Variants in ZNF169 observed in about 807,000 individuals in gnomAD.
ZNF169 encodes zinc finger protein 169.
Under a neutral mutation model 12.0 loss-of-function variants are expected in ZNF169, and 11 were observed. That is an observed-to-expected ratio of 0.92 (90% confidence interval 0.58 to 1.52). ZNF169 has a LOEUF of 1.52. ZNF169 is among the 40% of genes most tolerant of loss of function. The pLI, the probability that ZNF169 is intolerant of heterozygous loss-of-function variation, is 0.00. For missense variants in ZNF169, 722 were observed against 744.0 expected, an observed-to-expected ratio of 0.97 and a Z score of 0.34; for synonymous variants, 302 against 286.5, an observed-to-expected ratio of 1.05 and a Z score of -0.55.
chr9:94,290,441 A>G (rs2118636268), intron 2 of ZNF169, among the ~76,000 whole-genome samples: 1 of 151,480 alleles, frequency 6.6e-6, no homozygotes, highest in South Asian at 2.1e-4. Context: ...CCTCTGTTTT[A>G]CTTTGTCTGT....
At chr9:94,295,819 T>A (rs1290707292) in intron 4 of ZNF169, 1 of 152,230 alleles carries the variant, frequency 6.6e-6, no homozygotes, top group Non-Finnish European at 1.5e-5. Flanking sequence ...TTTTGACAAA[T>A]ATAAATAAAG....
intron 2 of ZNF169, among the ~76,000 whole-genome samples, chr9:94,289,569 C>T (rs1830788764): frequency 6.6e-6 from 1 of 152,182 alleles, no homozygotes; most frequent in African/African-American, 2.4e-5. Context: ...GCAGGTGGAT[C>T]ACCTGTGGTC....
rs750434515 is a variant in ZNF169 at position 94,300,417 on chromosome 9, G to A, written c.859G>A (p.Glu287Lys). ...LSIHQRKHSG[E>K]KPYVCRECGR... ...CATACACCAGAGGAAGCACTCGGGG[G>A]AGAAGCCGTATGTGTGCAGGGAATG... The change falls in exon 5 of 5, where the codon GAG becomes AAG. Residue 287 changes from glutamate to lysine, a missense_variant. Physicochemically the swap from Glu to Lys is moderately conservative, Grantham distance 56. Coordinates refer to ENST00000395395, the MANE Select transcript of ZNF169 (RefSeq NM_194320.4). 1 of 1,614,010 alleles carries A rather than the reference G, an allele frequency of 6.2e-7. No homozygotes were observed. The highest frequency in any genetic ancestry group is 8.5e-7 in the Non-Finnish European group (1 of 1,180,000).
At chr9:94,294,541 G>A (rs971055008) in intron 4 of ZNF169, 1 of 152,158 alleles carries the variant, frequency 6.6e-6, no homozygotes, top group Non-Finnish European at 1.5e-5. Flanking sequence ...TTCTGAAGTG[G>A]GCATGGCAGC....
At chr9:94,293,438 A>G in intron 4 of ZNF169, 2 of 539,516 alleles carry the variant, frequency 3.7e-6, no homozygotes. Context: ...TTTTTTTGAG[A>G]CAGAGTCTCG....
intron 1 of ZNF169, among the ~76,000 whole-genome samples, chr9:94,273,575 C>CTTTTTTTTT (rs768421966): frequency 5.6e-4 from 62 of 109,970 alleles, no homozygotes; most frequent in Non-Finnish European, 6.7e-4. Context: ...AACTTTCTTT[C>CTTTTTTTTT]TTTCTTTTTT....
chr9:94,266,779 T>C (rs1386570041), intron 1 of ZNF169, among the ~76,000 whole-genome samples: 1 of 152,220 alleles, frequency 6.6e-6, no homozygotes, highest in East Asian at 1.9e-4. Context: ...CTGTAGTTTT[T>C]GAAACATAAT....
intron 4 of ZNF169, among the ~76,000 whole-genome samples, chr9:94,296,186 G>A (rs944343811): frequency 1.3e-5 from 2 of 152,100 alleles, no homozygotes; most frequent in Admixed American, 1.3e-4. Flanking sequence ...AGTGAAGTAC[G>A]TTTTCACATC....
rs1182555212 is a variant in ZNF169 at position 94,299,932 on chromosome 9, C to T, written c.374C>T (p.Ala125Val). 1.2e-6 allele frequency: 2 copies of T among 1,614,086 alleles called. No homozygotes were observed. Among genetic ancestry groups the T allele is most frequent in the South Asian group, 1.1e-5 (1 of 91,082 alleles). ...ACACAGATCTTCCCAAGCTCATCTG[C>T]AGGAGGTGACTTCCAACTAGAAGCT... The part of the protein sequence containing the change: ...HPTQIFPSSS[A>V]GGDFQLEAPR... Residue 125 changes from alanine (A) to valine (V), a missense_variant, in exon 5 of 5, where the codon GCA becomes GTA. Physicochemically the swap from Ala to Val is moderately conservative, Grantham distance 64. Transcript: ENST00000395395.
chr9:94,276,414 G>A (rs912704602), intron 1 of ZNF169, among the ~76,000 whole-genome samples: 3 of 152,030 alleles, frequency 2.0e-5, no homozygotes, highest in South Asian at 2.1e-4. Flanking sequence ...TATGGGCGCC[G>A]CCACCACACC....
Position 94,300,378 on chromosome 9 carries a change from A to C in ZNF169, c.820A>C (p.Lys274Gln). 6.2e-7 allele frequency: 1 copy of C among 1,612,708 alleles called. No homozygotes were observed. Among genetic ancestry groups the C allele is most frequent in the Non-Finnish European group, 8.5e-7 (1 of 1,179,630 alleles). The change falls in exon 5 of 5, where the codon AAG becomes CAG. Residue 274 changes from lysine to glutamine, a missense_variant. Coordinates refer to ENST00000395395, the MANE Select transcript of ZNF169 (RefSeq NM_194320.4). ...CPECGRRFSQ[K>Q]ASLSIHQRKH... is the part of the protein sequence containing the mutation. ...TGAGTGTGGGCGTCGGTTTAGCCAG[A>C]AGGCCTCCCTCTCCATACACCAGAG...
intron 1 of ZNF169, among the ~76,000 whole-genome samples, chr9:94,272,863 T>G (rs781388362): frequency 4.6e-5 from 7 of 152,184 alleles, no homozygotes; most frequent in Non-Finnish European, 1.0e-4. Context: ...TTTTACATCC[T>G]TGTTAACACT....
At chr9:94,293,116 C>T (rs768952730) in intron 4 of ZNF169, 47 bp downstream of exon 4, 1 of 1,534,260 alleles carries the variant, frequency 6.5e-7, no homozygotes, top group Non-Finnish European at 9.0e-7. Context: ...CAGTGAGGAG[C>T]TCAGCAGGTA....
chr9:94,273,085 G>C (rs1830452228), intron 1 of ZNF169, among the ~76,000 whole-genome samples: 1 of 152,002 alleles, frequency 6.6e-6, no homozygotes. Flanking sequence ...TTGTTACTGA[G>C]TTGTAGAAGT....
At chr9:94,292,545 T>G in intron 3 of ZNF169, 78 bp downstream of exon 3, 1 of 1,548,290 alleles carries the variant, frequency 6.5e-7, no homozygotes, top group Non-Finnish European at 8.7e-7. Context: ...GCCATGCTTC[T>G]GACTCAGAAA....
intron 1 of ZNF169, among the ~76,000 whole-genome samples, chr9:94,266,469 A>C (rs1438996894): frequency 6.6e-6 from 1 of 152,206 alleles, no homozygotes; most frequent in Non-Finnish European, 1.5e-5. Flanking sequence ...TTGGGGGCAT[A>C]GAGGCAGCGC....
chr9:94,286,897 CT>C (rs1029491925), intron 2 of ZNF169, among the ~76,000 whole-genome samples: 1 of 152,154 alleles, frequency 6.6e-6, no homozygotes, highest in Non-Finnish European at 1.5e-5. Context: ...CCCTGCAGAC[CT>C]TTTGGCGTAA....
chr9:94,300,143 G>T lies in ZNF169; in HGVS notation c.585G>T (p.Gly195=). The change falls in exon 5 of 5, where the codon GGG becomes GGT. Residue 195 remains glycine (G), a synonymous_variant. Coordinates refer to ENST00000395395, the MANE Select transcript of ZNF169 (RefSeq NM_194320.4). ...DLRLAQRMSL[G]GSDTMLKGAD... is the part of the protein sequence containing the mutation. Reference sequence around the variant, plus strand: ...GCCTGGCCCAAAGGATGAGTCTTGGGGGGTCAGACACAATGTTGAAGGGAG... The same window carrying T: ...GCCTGGCCCAAAGGATGAGTCTTGGTGGGTCAGACACAATGTTGAAGGGAG... 1 of 1,614,174 alleles carries T rather than the reference G, an allele frequency of 6.2e-7. No individual in the cohort carries two copies.
chr9:94,272,412 A>G (rs953324015), intron 1 of ZNF169, among the ~76,000 whole-genome samples: 2 of 152,126 alleles, frequency 1.3e-5, no homozygotes, highest in African/African-American at 4.8e-5. Flanking sequence ...CATGACTGAA[A>G]TCTTTTACCT....
Sources: allele counts gnomAD v4.1 joint callset (sites outside exome capture counted in the v4.1 genomes callset), GRCh38; gene constraint gnomAD v4.1.1; transcripts MANE v1.5; gene names NCBI Gene and HGNC (gene_info 2026-07-23, HGNC 2026-07-21).